DCP1B: variants seen among roughly 807,000 people sequenced by gnomAD.
DCP1B encodes the protein decapping mRNA 1B.
Under a neutral mutation model 60.5 loss-of-function variants are expected in DCP1B, and 47 were observed. The observed-to-expected ratio is 0.78, with a 90% confidence interval of 0.61 to 0.99. DCP1B has a LOEUF of 0.99. Among genes scored for constraint, DCP1B ranks in the 50% least tolerant of loss-of-function variants. The pLI, the probability that DCP1B is intolerant of heterozygous loss-of-function variation, is 0.00. For synonymous variants in DCP1B, 267 were observed against 280.3 expected (o/e 0.95, Z 0.47); for missense variants, 725 against 756.8 (o/e 0.96, Z 0.49).
rs138935118 is a variant in DCP1B, at chr12:1,963,479, C to T, written c.522+2079G>A. ...AATTTTCAGAGGAAGGAGTTGGTGCCTTAGCACCTTCAAACGGATAACTAA... is the reference window on the plus strand; with the variant it reads ...AATTTTCAGAGGAAGGAGTTGGTGCTTTAGCACCTTCAAACGGATAACTAA... On this transcript the variant is annotated intron_variant, in intron 5 of 8. Coordinates refer to ENST00000280665, the MANE Select transcript of DCP1B (RefSeq NM_152640.5). Among the ~76,000 whole-genome samples, 1,198 of 152,320 alleles carry T rather than the reference C, an allele frequency of 7.9e-3. 9 individuals are homozygous for T. The highest frequency in any genetic ancestry group is 0.015 in the South Asian group (74 of 4,828).
In DCP1B at chr12:1,952,825, C is replaced by G; in HGVS notation, c.1115G>C (p.Ser372Thr). 6.2e-7 allele frequency: 1 copy of G among 1,614,194 alleles called. No homozygotes were observed. Among genetic ancestry groups the G allele is most frequent in the East Asian group, 2.2e-5 (1 of 44,882 alleles). ...TPGAANKCDP[S>T]TPAPASSAAL... Reference sequence around the variant, plus strand: ...AGCTGAGCTGGCAGGTGCTGGTGTACTAGGGTCACACTTGTTTGCTGCCCC... The same window carrying G: ...AGCTGAGCTGGCAGGTGCTGGTGTAGTAGGGTCACACTTGTTTGCTGCCCC... The change falls in exon 7 of 9, where the codon AGT (serine) becomes ACT (threonine). Residue 372 changes from serine (S) to threonine (T), a missense_variant. Physicochemically the swap from Ser to Thr is moderately conservative, Grantham distance 58. Coordinates refer to ENST00000280665, the MANE Select transcript of DCP1B (RefSeq NM_152640.5).
chr12:1,973,010 T>G (rs924146934), intron 3 of DCP1B, among the ~76,000 whole-genome samples: 36 of 152,232 alleles, frequency 2.4e-4, no homozygotes, highest in African/African-American at 8.7e-4. Flanking sequence ...GATTCTGTAC[T>G]TCTTCCCCAT....
intron 7 of DCP1B, 142 bp downstream of exon 7, chr12:1,952,274 A>G: frequency 1.9e-6 from 2 of 1,046,648 alleles, no homozygotes; most frequent in Non-Finnish European, 2.6e-6. Flanking sequence ...CTTGAGCTCA[A>G]GGGATCCTCC....
intron 3 of DCP1B, among the ~76,000 whole-genome samples, chr12:1,977,447 A>G (rs2034768508): frequency 6.6e-6 from 1 of 152,248 alleles, no homozygotes; most frequent in Non-Finnish European, 1.5e-5. Flanking sequence ...TGTCTTATGC[A>G]TTCTGATGTT....
chr12:1,943,703 A>G (rs911721162), downstream of DCP1B, among the ~76,000 whole-genome samples: 2 of 152,212 alleles, frequency 1.3e-5, no homozygotes, highest in African/African-American at 4.8e-5. Context: ...TGATTATCTC[A>G]ATAGATGCAG....
chr12:1,952,705 A>G lies in DCP1B; in HGVS notation c.1235T>C (p.Leu412Pro), dbSNP rs1592779266. 1 of 1,614,166 alleles carries G rather than the reference A, an allele frequency of 6.2e-7. No individual in the cohort carries two copies. The highest frequency in any genetic ancestry group is 8.5e-7 in the Non-Finnish European group (1 of 1,180,030). ...QPPQAYFNGS[L>P]PPQTVGHQAH... ...CTGATGTCCTACTGTCTGAGGTGGA[A>G]GGGAGCCATTGAAATAGGCCTGTGG... Residue 412 changes from leucine (L) to proline (P), a missense_variant, in exon 7 of 9, where the codon CTT becomes CCT. Leu to Pro is a moderately conservative substitution (Grantham distance 98). Coordinates refer to ENST00000280665, the MANE Select transcript of DCP1B (RefSeq NM_152640.5).
chr12:1,961,998 G>T (rs910907054), intron 5 of DCP1B, among the ~76,000 whole-genome samples: 4 of 152,148 alleles, frequency 2.6e-5, no homozygotes, highest in Admixed American at 6.5e-5. Flanking sequence ...AGGTCCTGGA[G>T]ACAAGAGGCA....
chr12:1,994,777 G>T (rs1256880026), intron 2 of DCP1B, among the ~76,000 whole-genome samples: 4 of 152,158 alleles, frequency 2.6e-5, no homozygotes, highest in African/African-American at 4.8e-5. Context: ...CTCTTTAATA[G>T]TACAGCTACT....
downstream of DCP1B, among the ~76,000 whole-genome samples, chr12:1,945,903 G>T (rs1276982187): frequency 6.6e-6 from 1 of 152,120 alleles, no homozygotes; most frequent in Non-Finnish European, 1.5e-5. Context: ...GACTAGGGGA[G>T]GAAGCGCGTT....
At chr12:1,961,004 C>T (rs1034031000) in intron 5 of DCP1B, among the ~76,000 whole-genome samples, 2 of 152,144 alleles carry the variant, frequency 1.3e-5, no homozygotes, top group Admixed American at 6.5e-5. Context: ...TGTAAGAAGG[C>T]GATGGAATGC....
chr12:1,991,254 A>G (rs1300588072), intron 3 of DCP1B: 1 of 456,062 alleles, frequency 2.2e-6, no homozygotes, highest in South Asian at 1.6e-5. Flanking sequence ...CATCTGCAAA[A>G]TGGCAATGAA....
intron 2 of DCP1B, among the ~76,000 whole-genome samples, chr12:1,997,303 T>G (rs533991971): frequency 1.1e-3 from 169 of 152,126 alleles, no homozygotes; most frequent in Non-Finnish European, 2.1e-3. Context: ...CCAAGGCGGG[T>G]GGATCACGAG....
Position 1,971,372 on chromosome 12 carries a change from T to C in DCP1B, c.320-3462A>G, listed in dbSNP as rs1012599191. 1.3e-5 allele frequency among the ~76,000 whole-genome samples: 2 copies of C among 152,224 alleles called. No homozygotes were observed. The highest frequency in any genetic ancestry group is 2.4e-5 in the African/African-American group (1 of 41,458). On this transcript the variant is annotated intron_variant, in intron 3 of 8. Transcript: ENST00000280665. The surrounding 1 kb of genome is among the most constrained non-coding windows in gnomAD (Gnocchi z 4.2). Reference sequence around the variant, plus strand: ...AATTTTGCCTGTAACTGCACTATCCTGGTTTATGCCGTTCTTTGGAAATTC... The same window carrying C: ...AATTTTGCCTGTAACTGCACTATCCCGGTTTATGCCGTTCTTTGGAAATTC...
At chr12:1,967,168 C>T (rs530725381) in intron 4 of DCP1B, among the ~76,000 whole-genome samples, 1 of 152,318 alleles carries the variant, frequency 6.6e-6, no homozygotes, top group African/African-American at 2.4e-5. Context: ...CCTCTTTCAA[C>T]GCAATCAGGG....
intron 3 of DCP1B, among the ~76,000 whole-genome samples, chr12:1,972,601 G>A (rs187683870): frequency 3.9e-5 from 6 of 152,306 alleles, no homozygotes; most frequent in South Asian, 2.1e-4. Context: ...GGTTAAATAA[G>A]CTAGCCAAAG....
chr12:1,985,095 A>T (rs924712650), intron 3 of DCP1B, among the ~76,000 whole-genome samples: 1 of 151,374 alleles, frequency 6.6e-6, no homozygotes, highest in Non-Finnish European at 1.5e-5. Flanking sequence ...TGTCATGGGC[A>T]TGGTTTTCTT....
At chr12:1,970,078 G>A (rs569670165) in intron 3 of DCP1B, among the ~76,000 whole-genome samples, 2 of 152,238 alleles carry the variant, frequency 1.3e-5, no homozygotes, top group East Asian at 3.9e-4. Flanking sequence ...TACATTTGCG[G>A]CATTTGACAT....
intron 7 of DCP1B, 86 bp from the exon 8 acceptor site, chr12:1,949,420 A>C (rs1047934689): frequency 1.3e-6 from 2 of 1,558,208 alleles, no homozygotes; most frequent in African/African-American, 2.7e-5. Flanking sequence ...GGGTGGTCTA[A>C]GCATTCCCTG....
Position 1,962,827 on chromosome 12 carries a change from A to G in DCP1B, c.522+2731T>C, listed in dbSNP as rs567311946. Among the ~76,000 whole-genome samples the G allele has an allele frequency of 4.6e-5, 7 of 152,336 alleles. 1 individual carries two copies. Among genetic ancestry groups the G allele is most frequent in the African/African-American group, 1.7e-4 (7 of 41,582 alleles). On this transcript the variant is annotated intron_variant, in intron 5 of 8. Coordinates refer to ENST00000280665, the MANE Select transcript of DCP1B (RefSeq NM_152640.5). The surrounding 1 kb of genome is among the most constrained non-coding windows in gnomAD (Gnocchi z 4.4). ...ATTTAACACTCACCATGTGCTAAGT[A>G]CTTTGAAGACAATAAGGGATATAAA...
Sources: allele counts gnomAD v4.1 joint callset (sites outside exome capture counted in the v4.1 genomes callset), GRCh38; gene constraint gnomAD v4.1.1; non-coding constraint Gnocchi (gnomAD v3.1); transcripts MANE v1.5; gene names NCBI Gene and HGNC (gene_info 2026-07-23, HGNC 2026-07-21).